Variants in MAP6 observed in about 807,000 individuals in gnomAD.
The protein encoded by MAP6 is microtubule-associated protein 6.
A neutral mutation model predicts 42.4 loss-of-function variants in MAP6; 26 were observed. The observed-to-expected ratio is 0.61, with a 90% CI of 0.45 to 0.85. The LOEUF (loss-of-function observed/expected upper bound fraction) is 0.85, where lower values mean the gene tolerates loss of function less well. MAP6 is among the 40% of genes least tolerant of loss of function. The probability of loss-of-function intolerance (pLI) is 0.00; values close to 1 mark genes in which losing one functional copy is unlikely to be tolerated. For synonymous variants in MAP6, 418 were observed against 443.8 expected (o/e 0.94, Z 0.73); for missense variants, 966 against 1,099.0 (o/e 0.88, Z 1.71).
intron 2 of MAP6, chr11:75,607,560 G>A (rs1942802842): frequency 1.0e-6 from 1 of 985,360 alleles, no homozygotes; most frequent in African/African-American, 1.7e-5. Flanking sequence ...ATATATTATA[G>A]CTGATGTGAC....
chr11:75,663,968 C>A (rs1411415722), intron 1 of MAP6, among the ~76,000 whole-genome samples: 1 of 152,216 alleles, frequency 6.6e-6, no homozygotes, highest in African/African-American at 2.4e-5. Context: ...AAAAGTTTCT[C>A]ATTAGCATTT....
In MAP6 at chr11:75,587,113, G is replaced by T. The variant is rs1942366800; in HGVS notation, c.2388C>A (p.Pro796=). The change falls in exon 4 of 4, where the codon CCC becomes CCA. Residue 796 remains proline (P), a synonymous_variant. Transcript: ENST00000304771. ...GGGGGGCAGTTGGGATCATGACTCG[G>T]GGTAGAGGTGAGACAGTAGGTAGCT... ...DPQLPTVSPL[P]RVMIPTAPHT... is the part of the protein sequence containing the mutation. The T allele has an allele frequency of 2.5e-6, 4 of 1,612,316 alleles. No homozygotes were observed. Among genetic ancestry groups the T allele is most frequent in the East Asian group, 4.5e-5 (2 of 44,804 alleles).
In MAP6 at chr11:75,667,590, C is replaced by T. The variant is rs1444217668; in HGVS notation, c.780G>A (p.Pro260=). The T allele has an allele frequency of 2.0e-5, 28 of 1,388,858 alleles. No homozygotes were observed. The highest frequency in any genetic ancestry group is 2.6e-5 in the Non-Finnish European group (28 of 1,081,226). The allele number at this position is 1,388,858 out of a possible 1,614,324, so 86.0% of individuals were successfully genotyped here. A position where few individuals can be genotyped will look rare whatever the true frequency, so the allele number is the denominator to read the frequency against. ...GGACCTGGGCCTGGGCCGCGGGCAG[C>T]GGCGTCTGCTCGTGCCCCAGGCCCT... The part of the protein sequence containing the change: ...RAEGLGHEQT[P]LPAAQAQVQA... The change falls in exon 1 of 4, where the codon CCG becomes CCA. Residue 260 remains proline (P), a synonymous_variant. Transcript: ENST00000304771. This position sits in a 1 kb window ranked among gnomAD's most constrained non-coding sequence, Gnocchi z 5.6.
chr11:75,607,300 C>T, intron 2 of MAP6: 1 of 985,424 alleles, frequency 1.0e-6, no homozygotes, highest in Non-Finnish European at 1.2e-6. Context: ...AATTAGGTTC[C>T]AGAGTTATTT....
At position 75,667,435 on chromosome 11, in the gene MAP6, TC is replaced by T. The variant is rs1266897609; in HGVS notation, c.905+29del. 2 of 1,439,244 alleles carry T rather than the reference TC, an allele frequency of 1.4e-6. No homozygotes were observed. The highest frequency in any genetic ancestry group is 1.8e-6 in the Non-Finnish European group (2 of 1,102,360). The allele number at this position is 1,439,244 out of a possible 1,614,324, so 89.2% of individuals were successfully genotyped here. ...CCGCGGGGAGGGTCTGCGTGGTGAC[TC>T]CCCCGCGCTAGCAGCGGCCGCGTCT... On this transcript the variant is annotated intron_variant, in intron 1 of 3. Coordinates refer to ENST00000304771, the MANE Select transcript of MAP6 (RefSeq NM_033063.2). The surrounding 1 kb of genome is among the most constrained non-coding windows in gnomAD (Gnocchi z 5.6).
At chr11:75,588,256 T>C (rs1490236599) in intron 3 of MAP6, 72 bp from the exon 4 acceptor site, 5 of 1,430,424 alleles carry the variant, frequency 3.5e-6, no homozygotes, top group Non-Finnish European at 4.7e-6. Flanking sequence ...ACAGATTGCC[T>C]AATAAGTCTT....
rs547964028 is a variant in MAP6 at position 75,668,147 on chromosome 11, C to G, written c.223G>C (p.Glu75Gln). 3.3e-6 allele frequency: 4 copies of G among 1,220,304 alleles called. No individual in the cohort carries two copies. The Admixed American group carries it at 1.8e-4, about 54-fold the overall frequency. 75.6% of individuals were successfully genotyped at this position (1,220,304 alleles called of 1,614,324 possible). The change falls in exon 1 of 4, where the codon GAG becomes CAG. Residue 75 changes from glutamate to glutamine, a missense_variant. By Grantham distance (29) the Glu-to-Gln change is conservative (BLOSUM62 2). This residue lies in a region of MAP6 where 943 missense variants were observed against 1,049.9 expected (regional missense o/e 0.90). Coordinates refer to ENST00000304771, the MANE Select transcript of MAP6 (RefSeq NM_033063.2). Reference protein sequence around the residue: ...VAIETQPAQGELDAVARATGP... With the variant: ...VAIETQPAQGQLDAVARATGP... ...GTTGCCCGGGCAACTGCATCCAACT[C>G]GCCCTGGGCTGGCTGCGTCTCTATG...
intron 1 of MAP6, among the ~76,000 whole-genome samples, chr11:75,610,467 C>A (rs930171176): frequency 6.6e-6 from 1 of 152,200 alleles, no homozygotes; most frequent in Non-Finnish European, 1.5e-5. Flanking sequence ...GGAAAAGGCC[C>A]TGTGGGGACC....
chr11:75,609,430 C>A (rs546743434), intron 1 of MAP6, among the ~76,000 whole-genome samples: 8 of 152,266 alleles, frequency 5.3e-5, no homozygotes, highest in African/African-American at 1.9e-4. Flanking sequence ...TGACTCCCTC[C>A]TTCGGGGCTC....
At chr11:75,590,773 C>A (rs1005450830) in intron 3 of MAP6, among the ~76,000 whole-genome samples, 1 of 152,080 alleles carries the variant, frequency 6.6e-6, no homozygotes, top group African/African-American at 2.4e-5. Context: ...TCGAGATCAG[C>A]CTGGCTAACA....
chr11:75,667,406 C>T lies in MAP6; in HGVS notation c.905+59G>A. ...TGCGCTGGGGATCCTGGGCCCCGGG[C>T]AGCCCGCGGGGAGGGTCTGCGTGGT... On this transcript the variant is annotated intron_variant, in intron 1 of 3. Coordinates refer to ENST00000304771, the MANE Select transcript of MAP6 (RefSeq NM_033063.2). The surrounding 1 kb of genome is among the most constrained non-coding windows in gnomAD (Gnocchi z 5.6). 7.3e-7 allele frequency: 1 copy of T among 1,367,554 alleles called. No homozygotes were observed. Among genetic ancestry groups the T allele is most frequent in the South Asian group, 1.6e-5 (1 of 63,182 alleles). 84.7% of individuals were successfully genotyped at this position (1,367,554 alleles called of 1,614,324 possible).
At position 75,587,942 on chromosome 11, in the gene MAP6, G is replaced by A; in HGVS notation, c.1559C>T (p.Pro520Leu). Residue 520 changes from proline (P) to leucine (L), a missense_variant, in exon 4 of 4, where the codon CCT (proline) becomes CTT (leucine). Pro to Leu is a moderately conservative substitution (Grantham distance 98). This residue lies in a region of MAP6 where 943 missense variants were observed against 1,049.9 expected (regional missense o/e 0.90). Transcript: ENST00000304771. ...GTCCTTGACTGGTGCTGAGATAACA[G>A]GGCTTTCATTCTTTAAAGGCTCAGG... ...TVPEPLKNESPVISAPVKDQG... is the reference protein window; with the variant it reads ...TVPEPLKNESLVISAPVKDQG... 1 of 1,614,126 alleles carries A rather than the reference G, an allele frequency of 6.2e-7. No homozygotes were observed. Among genetic ancestry groups the A allele is most frequent in the Non-Finnish European group, 8.5e-7 (1 of 1,180,036 alleles).
At chr11:75,593,806 C>A (rs1942524986) in intron 3 of MAP6, among the ~76,000 whole-genome samples, 1 of 152,214 alleles carries the variant, frequency 6.6e-6, no homozygotes, top group African/African-American at 2.4e-5. Context: ...TCTATTATTT[C>A]TCATGATGTA....
At chr11:75,603,559 G>A in intron 3 of MAP6, 1 of 974,990 alleles carries the variant, frequency 1.0e-6, no homozygotes, top group Non-Finnish European at 1.2e-6. Flanking sequence ...CTAAAGCCTT[G>A]GGTGAGGGTA....
intron 1 of MAP6, among the ~76,000 whole-genome samples, chr11:75,642,247 T>C (rs887235449): frequency 2.0e-5 from 3 of 152,218 alleles, no homozygotes; most frequent in East Asian, 1.9e-4. Flanking sequence ...AGTGGGCATA[T>C]TGACACCCTG....
chr11:75,667,861 T>G lies in MAP6; in HGVS notation c.509A>C (p.Asp170Ala). Residue 170 changes from aspartate to alanine, a missense_variant, in exon 1 of 4, where the codon GAC (aspartate) becomes GCC (alanine). Asp to Ala is a moderately radical substitution (Grantham distance 126, BLOSUM62 -2). Transcript: ENST00000304771. This position sits in a 1 kb window ranked among gnomAD's most constrained non-coding sequence, Gnocchi z 5.6. ...CACGGGCTTGGGGATCCACGGGTGG[T>G]CCCCGCGGCGCGGCAGCGGCCAGGC... is the stretch of plus-strand genomic sequence containing the variant. Reference protein sequence around the residue: ...FRAWPLPRRGDHPWIPKPVQI... With the variant: ...FRAWPLPRRGAHPWIPKPVQI... 6.9e-7 allele frequency: 1 copy of G among 1,439,662 alleles called. No individual in the cohort carries two copies. The highest frequency in any genetic ancestry group is 1.4e-5 in the South Asian group (1 of 70,950). The allele number at this position is 1,439,662 out of a possible 1,614,324, so 89.2% of individuals were successfully genotyped here.
intron 1 of MAP6, among the ~76,000 whole-genome samples, chr11:75,647,417 T>C (rs1415288798): frequency 1.0e-5 from 1 of 98,434 alleles, no homozygotes; most frequent in Non-Finnish European, 2.1e-5. Flanking sequence ...TACAGAAAAA[T>C]GTTCAATAGA....
chr11:75,651,722 A>G (rs1201892367), intron 1 of MAP6, among the ~76,000 whole-genome samples: 1 of 152,234 alleles, frequency 6.6e-6, no homozygotes, highest in Non-Finnish European at 1.5e-5. Context: ...ATTGCTATTC[A>G]GTTGTAAGGA....
At chr11:75,639,287 TA>T (rs1015496357) in intron 1 of MAP6, among the ~76,000 whole-genome samples, 2 of 152,178 alleles carry the variant, frequency 1.3e-5, no homozygotes, top group Non-Finnish European at 2.9e-5. Flanking sequence ...TTGTACCCCC[TA>T]AATCTATAAA....
Sources: gnomAD v4.1 joint callset for allele counts (sites outside exome capture counted in the v4.1 genomes callset) on GRCh38, gnomAD v4.1.1 for gene constraint, gnomAD v4.1.1 regional missense constraint, Gnocchi (gnomAD v3.1) non-coding constraint, MANE v1.5 for transcripts, NCBI Gene and HGNC (gene_info 2026-07-23, HGNC 2026-07-21) for gene names.